Variants in DDX42 observed in about 807,000 individuals in gnomAD.
The protein encoded by DDX42 is ATP-dependent RNA helicase DDX42.
Under a neutral mutation model 101.5 loss-of-function variants are expected in DDX42, and 22 were observed. The observed-to-expected ratio is 0.22, with a 90% CI of 0.15 to 0.31. The LOEUF (loss-of-function observed/expected upper bound fraction) is 0.31, where lower values mean the gene tolerates loss of function less well. DDX42 is among the 10% of genes least tolerant of loss of function. The pLI, the probability that DDX42 is intolerant of heterozygous loss-of-function variation, is 1.00. For missense variants in DDX42, 849 were observed against 1,199.9 expected (o/e 0.71, Z 4.32); for synonymous variants, 402 against 401.2 (o/e 1.00, Z -0.02).
chr17:63,776,962 G>A (rs2039428640), intron 1 of DDX42, among the ~76,000 whole-genome samples: 1 of 152,156 alleles, frequency 6.6e-6, no homozygotes, highest in Non-Finnish European at 1.5e-5. Flanking sequence ...AGGTTGGAGT[G>A]CAGTGGTCCA....
chr17:63,805,021 C>T, intron 6 of DDX42, 50 bp from the exon 7 acceptor site: 2 of 1,551,118 alleles, frequency 1.3e-6, no homozygotes, highest in East Asian at 2.3e-5. Context: ...ATCAAACTTA[C>T]AGAATTGACT....
intron 1 of DDX42, chr17:63,775,971 C>T (rs2039416081): frequency 6.6e-6 from 1 of 152,126 alleles, no homozygotes; most frequent in African/African-American, 2.4e-5. Context: ...CTAGCATTTA[C>T]TTGTATTTGG....
At chr17:63,803,742 C>T (rs1035359036) in intron 6 of DDX42, among the ~76,000 whole-genome samples, 12 of 151,538 alleles carry the variant, frequency 7.9e-5, no homozygotes, top group Admixed American at 6.6e-4. Flanking sequence ...CTCCTCCTCC[C>T]GGGTTCAAGA....
intron 13 of DDX42, chr17:63,811,563 A>G: frequency 2.7e-6 from 1 of 376,726 alleles, no homozygotes; most frequent in Non-Finnish European, 4.8e-6. Context: ...GGTGACCTGG[A>G]AGGCCTGGAA....
intron 6 of DDX42, 148 bp downstream of exon 6, chr17:63,800,765 C>G (rs2039753161): frequency 1.1e-6 from 1 of 924,072 alleles, no homozygotes; most frequent in Non-Finnish European, 1.6e-6. Flanking sequence ...GCCACAAATT[C>G]CATGAGGCTT....
At chr17:63,793,499 C>T (rs1014516490) in intron 3 of DDX42, among the ~76,000 whole-genome samples, 1 of 152,084 alleles carries the variant, frequency 6.6e-6, no homozygotes, top group Non-Finnish European at 1.5e-5. Context: ...AACTTCTAGC[C>T]TCAAGTGATC....
In DDX42 at chr17:63,806,556, A is replaced by C. The variant is rs746611376; in HGVS notation, c.748A>C (p.Arg250=). 1 of 1,613,476 alleles carries C rather than the reference A, an allele frequency of 6.2e-7. No homozygotes were observed. The highest frequency in any genetic ancestry group is 8.5e-7 in the Non-Finnish European group (1 of 1,179,780). Residue 250 remains arginine, a synonymous_variant, in exon 8 of 18, where the codon AGA becomes CGA. Coordinates refer to ENST00000389924, the MANE Select transcript of DDX42 (RefSeq NM_203499.3). The stretch of plus-strand genomic sequence containing the variant: ...CTAGGTCTCTGGTGCTGCACCTCCT[A>C]GACCAGGAAGTAGCTTTGCTCATTT... The part of the protein sequence containing the change: ...NLRVSGAAPP[R]PGSSFAHFGF...
At chr17:63,810,327 G>T in intron 11 of DDX42, 186 bp from the exon 12 acceptor site, 1 of 406,870 alleles carries the variant, frequency 2.5e-6, no homozygotes, top group Non-Finnish European at 4.4e-6. Flanking sequence ...CTGACCTCAA[G>T]TGATCCGCCT....
At chr17:63,809,740 C>A in intron 11 of DDX42, 81 bp downstream of exon 11, 1 of 1,158,508 alleles carries the variant, frequency 8.6e-7, no homozygotes, top group Non-Finnish European at 1.3e-6. Flanking sequence ...ACTGTTTTTT[C>A]AGCATGAGAG....
At position 63,775,847 on chromosome 17, in the gene DDX42, TATAAG is replaced by T. The variant is rs1284209123; in HGVS notation, c.-17+1473_-17+1477del. Among the ~76,000 whole-genome samples, 5 of 152,222 alleles carry T rather than the reference TATAAG, an allele frequency of 3.3e-5. No homozygotes were observed. In the South Asian group the frequency reaches 8.3e-4, roughly 25 times the overall value. ...TCTGATTTATATTGTAACAATTTAA[TATAAG>T]AGAGGAGTGCAGTTATTTAAATTTG... On this transcript the variant is annotated intron_variant, in intron 1 of 17. Coordinates refer to ENST00000389924, the MANE Select transcript of DDX42 (RefSeq NM_203499.3).
intron 1 of DDX42, among the ~76,000 whole-genome samples, chr17:63,784,891 T>C (rs2039527826): frequency 6.6e-6 from 1 of 152,236 alleles, no homozygotes; most frequent in Admixed American, 6.5e-5. Flanking sequence ...ATGATGTGTT[T>C]TGCAACATTG....
intron 9 of DDX42, 57 bp downstream of exon 9, chr17:63,807,957 A>T: frequency 6.6e-7 from 1 of 1,521,428 alleles, no homozygotes. Context: ...GGGACCAGCC[A>T]GTCAAGTGAG....
chr17:63,815,894 G>A, intron 16 of DDX42: 1 of 279,190 alleles, frequency 3.6e-6, no homozygotes, highest in Non-Finnish European at 6.7e-6. Flanking sequence ...GCTTGCTCAG[G>A]AAATTATTCT....
rs1249266133 is a variant in DDX42, at chr17:63,818,089, T to C, written c.2508T>C (p.Asp836=). 2 of 1,613,152 alleles carry C rather than the reference T, an allele frequency of 1.2e-6. No individual in the cohort carries two copies. The highest frequency in any genetic ancestry group is 1.7e-6 in the Non-Finnish European group (2 of 1,179,886). ...ATAGCGATAGTCCACGTCACGGAGATGGTGGTCGCCATGGAGATGGATACC... is the reference window on the plus strand; with the variant it reads ...ATAGCGATAGTCCACGTCACGGAGACGGTGGTCGCCATGGAGATGGATACC... ...NRHSDSPRHG[D]GGRHGDGYRH... The change falls in exon 18 of 18, where the codon GAT becomes GAC. Residue 836 remains aspartate, a synonymous_variant. Coordinates refer to ENST00000389924, the MANE Select transcript of DDX42 (RefSeq NM_203499.3).
chr17:63,782,327 C>G (rs1472860305), intron 1 of DDX42, among the ~76,000 whole-genome samples: 1 of 152,178 alleles, frequency 6.6e-6, no homozygotes, highest in African/African-American at 2.4e-5. Context: ...TCTGCATGGT[C>G]TCTCTGCTAG....
intron 1 of DDX42, among the ~76,000 whole-genome samples, chr17:63,781,561 T>G (rs530722906): frequency 6.6e-6 from 1 of 152,248 alleles, no homozygotes; most frequent in East Asian, 1.9e-4. Flanking sequence ...GTTTTCTGCC[T>G]ATAGAGCTTC....
Position 63,818,301 on chromosome 17 carries a change from GCAAGATGGA to G in DDX42, c.2725_2733del (p.Met909_Lys911del). 6.2e-7 allele frequency: 1 copy of G among 1,614,074 alleles called. No homozygotes were observed. The highest frequency in any genetic ancestry group is 8.5e-7 in the Non-Finnish European group (1 of 1,179,948). ...AAGATGGAACCCAAAGTGGACAGCA[GCAAGATGGA>G]CAAGGTGGACAGCAAGACAGATAAG... On this transcript the variant is annotated inframe_deletion, in exon 18 of 18. Coordinates refer to ENST00000389924, the MANE Select transcript of DDX42 (RefSeq NM_203499.3).
At chr17:63,817,663 T>C in intron 17 of DDX42, 31 bp from the exon 18 acceptor site, 1 of 1,599,596 alleles carries the variant, frequency 6.3e-7, no homozygotes, top group Non-Finnish European at 8.6e-7. Flanking sequence ...CTTGCTATCT[T>C]ACCTACTCCT....
In DDX42 at chr17:63,818,147, G is replaced by C; in HGVS notation, c.2566G>C (p.Gly856Arg). 1.9e-6 allele frequency: 3 copies of C among 1,614,056 alleles called. No individual in the cohort carries two copies. The highest frequency in any genetic ancestry group is 1.7e-6 in the Non-Finnish European group (2 of 1,180,040). The change falls in exon 18 of 18, where the codon GGC becomes CGC. Residue 856 changes from glycine to arginine, a missense_variant. Coordinates refer to ENST00000389924, the MANE Select transcript of DDX42 (RefSeq NM_203499.3). Reference protein sequence around the residue: ...HPESSSRHTDGHRHGENRHGG... With the variant: ...HPESSSRHTDRHRHGENRHGG... ...AGAAAGCAGCAGCCGTCATACTGATGGCCATCGGCACGGGGAGAACAGACA... is the reference window on the plus strand; with the variant it reads ...AGAAAGCAGCAGCCGTCATACTGATCGCCATCGGCACGGGGAGAACAGACA...
Sources: allele counts gnomAD v4.1 joint callset (sites outside exome capture counted in the v4.1 genomes callset), GRCh38; gene constraint gnomAD v4.1.1; transcripts MANE v1.5; gene names NCBI Gene and HGNC (gene_info 2026-07-23, HGNC 2026-07-21).